Variants in GLYATL2 observed in about 807,000 individuals in gnomAD.
The protein encoded by GLYATL2 is glycine N-acyltransferase-like protein 2.
GLYATL2 carries 25 observed loss-of-function variants against 21.4 expected under a neutral mutation model. The ratio of observed to expected loss-of-function variants is 1.17; its 90% CI spans 0.85 to 1.63. GLYATL2 has a LOEUF of 1.63. GLYATL2 is among the 40% of genes most tolerant of loss of function. The pLI, the probability that GLYATL2 is intolerant of heterozygous loss-of-function variation, is 0.00. For synonymous variants in GLYATL2, 114 were observed against 118.2 expected (o/e 0.96, Z 0.23); for missense variants, 361 against 343.3 (o/e 1.05, Z -0.41).
At chr11:58,838,115 C>G (rs1160796814) in intron 3 of GLYATL2, 146 bp downstream of exon 3, 1 of 576,696 alleles carries the variant, frequency 1.7e-6, no homozygotes, top group Non-Finnish European at 3.2e-6. Context: ...CTGCCCTACC[C>G]TGTCTCCCAA....
chr11:58,884,595 G>A (rs116053495), intron 1 of GLYATL2, among the ~76,000 whole-genome samples: 1 of 152,174 alleles, frequency 6.6e-6, no homozygotes, highest in African/African-American at 2.4e-5. Context: ...TTATGATGAT[G>A]GTGGTGGAGT....
chr11:58,834,358 A>G lies in GLYATL2; in HGVS notation c.*71T>C. The G allele has an allele frequency of 7.8e-7, 1 of 1,283,036 alleles. No homozygotes were observed. Among genetic ancestry groups the G allele is most frequent in the Non-Finnish European group, 1.1e-6 (1 of 928,096 alleles). The allele number at this position is 1,283,036 out of a possible 1,614,324, so 79.5% of individuals were successfully genotyped here. A position where few individuals can be genotyped will look rare whatever the true frequency, so the allele number is the denominator to read the frequency against. On this transcript the variant is annotated 3_prime_UTR_variant, in exon 6 of 6. Transcript: ENST00000287275. Reference sequence around the variant, plus strand: ...TCAGTTGCATTTTGTGCTAATGTAGATCACAATGCTTGTGTTTGAATTAAT... The same window carrying G: ...TCAGTTGCATTTTGTGCTAATGTAGGTCACAATGCTTGTGTTTGAATTAAT...
At chr11:58,900,605 G>A (rs1371230138) in intron 1 of GLYATL2, among the ~76,000 whole-genome samples, 1 of 152,144 alleles carries the variant, frequency 6.6e-6, no homozygotes. Context: ...CGGGGGGTAG[G>A]TTTGCCTAAA....
intron 1 of GLYATL2, among the ~76,000 whole-genome samples, chr11:58,903,401 A>T (rs1285327608): frequency 6.6e-6 from 1 of 152,170 alleles, no homozygotes. Context: ...GGCCTGGTGC[A>T]GTGGCTCATA....
chr11:58,903,305 AT>A (rs778460439), intron 1 of GLYATL2, among the ~76,000 whole-genome samples: 16 of 152,256 alleles, frequency 1.1e-4, no homozygotes, highest in Admixed American at 3.3e-4. Flanking sequence ...ACAAGGCAGG[AT>A]TTTGTATTTA....
chr11:58,834,665 T>G lies in GLYATL2; in HGVS notation c.649A>C (p.Met217Leu). The G allele has an allele frequency of 6.2e-7, 1 of 1,613,448 alleles. No homozygotes were observed. The highest frequency in any genetic ancestry group is 8.5e-7 in the Non-Finnish European group (1 of 1,179,898). Residue 217 changes from methionine (M) to leucine (L), a missense_variant, in exon 6 of 6, where the codon ATG becomes CTG. Physicochemically the swap from Met to Leu is conservative, Grantham distance 15. Coordinates refer to ENST00000287275, the MANE Select transcript of GLYATL2 (RefSeq NM_145016.4). Reference protein sequence around the residue: ...PEGQLVSWIVMEQSCELRMGY... With the variant: ...PEGQLVSWIVLEQSCELRMGY... ...ATTCTCAACTCACAGGACTGTTCCATCACAATCCAAGAGACAAGCTGGCCC... is the reference window on the plus strand; with the variant it reads ...ATTCTCAACTCACAGGACTGTTCCAGCACAATCCAAGAGACAAGCTGGCCC...
chr11:58,897,608 T>C lies in GLYATL2; in HGVS notation n.60+6548A>G, dbSNP rs548379718. ...ACACACACACATCCTCCTGCTATCC[T>C]TTGGCCCTAGATCTCACCTAACTTT... On this transcript the variant is annotated intron_variant and non_coding_transcript_variant, in intron 1 of 4. Transcript: ENST00000533636. 1.6e-4 allele frequency among the ~76,000 whole-genome samples: 25 copies of C among 152,194 alleles called. 1 individual carries two copies. In the South Asian group the frequency reaches 4.8e-3, roughly 29 times the overall value.
chr11:58,896,705 T>G (rs1854641141), intron 1 of GLYATL2, among the ~76,000 whole-genome samples: 1 of 34,234 alleles, frequency 2.9e-5, no homozygotes, highest in South Asian at 1.0e-3. Context: ...ACTTCTTAAC[T>G]TCTGTCGTTT....
chr11:58,893,841 A>G (rs564276702), intron 1 of GLYATL2, among the ~76,000 whole-genome samples: 18 of 152,352 alleles, frequency 1.2e-4, no homozygotes, highest in African/African-American at 4.3e-4. Flanking sequence ...TCAATAAAGT[A>G]CACCTAATCT....
chr11:58,845,927 A>G (rs1853634274), upstream of GLYATL2, among the ~76,000 whole-genome samples: 1 of 152,172 alleles, frequency 6.6e-6, no homozygotes, highest in South Asian at 2.1e-4. Flanking sequence ...CTATCTACAC[A>G]TTCTTGCTAT....
upstream of GLYATL2, chr11:58,908,083 A>G (rs1854949563): frequency 6.6e-6 from 1 of 152,358 alleles, no homozygotes; most frequent in Non-Finnish European, 1.5e-5. Flanking sequence ...CCCACTGCAC[A>G]TCTCTGATCC....
chr11:58,861,319 A>G (rs1853927142), intron 1 of GLYATL2, among the ~76,000 whole-genome samples: 1 of 151,882 alleles, frequency 6.6e-6, no homozygotes, highest in Admixed American at 6.6e-5. Flanking sequence ...GGTGGGTTTT[A>G]TGCATCTAGG....
Position 58,902,309 on chromosome 11 carries a change from C to A in GLYATL2, n.60+1847G>T, listed in dbSNP as rs190250824. Among the ~76,000 whole-genome samples the A allele has an allele frequency of 1.4e-3, 220 of 152,276 alleles. 2 individuals are homozygous for A. The highest frequency in any genetic ancestry group is 5.0e-3 in the African/African-American group (209 of 41,552). The stretch of plus-strand genomic sequence containing the variant: ...GCCCAGGCCCTTATGTCTGACACAT[C>A]CCCAGAAGCCAATTCTCCTCAGTCC... On this transcript the variant is annotated intron_variant and non_coding_transcript_variant, in intron 1 of 4. Transcript: ENST00000533636.
chr11:58,894,150 C>T (rs955961904), intron 1 of GLYATL2, among the ~76,000 whole-genome samples: 4 of 152,060 alleles, frequency 2.6e-5, no homozygotes, highest in Admixed American at 6.6e-5. Context: ...GTGTTGCCTG[C>T]AAGTATGGTT....
At chr11:58,836,942 T>A in intron 5 of GLYATL2, 73 bp downstream of exon 5, 1 of 1,349,930 alleles carries the variant, frequency 7.4e-7, no homozygotes, top group East Asian at 2.3e-5. Context: ...AAATCCTACA[T>A]TTCCAAGTAC....
At chr11:58,884,616 A>G (rs1269582734) in intron 1 of GLYATL2, among the ~76,000 whole-genome samples, 1 of 152,242 alleles carries the variant, frequency 6.6e-6, no homozygotes, top group Non-Finnish European at 1.5e-5. Context: ...GTTCTGCTAC[A>G]GGCATTTGGG....
chr11:58,869,599 T>C (rs1854081560), intron 1 of GLYATL2, among the ~76,000 whole-genome samples: 1 of 152,234 alleles, frequency 6.6e-6, no homozygotes, highest in Non-Finnish European at 1.5e-5. Flanking sequence ...TGTGTGTATA[T>C]GCATCTAGAT....
upstream of GLYATL2, chr11:58,904,321 A>C (rs1854804233): frequency 6.6e-6 from 1 of 152,198 alleles, no homozygotes; most frequent in Non-Finnish European, 1.5e-5. Context: ...CAAATCCTCC[A>C]TTTAAAATAA....
At chr11:58,854,052 G>A (rs1853786905) in intron 1 of GLYATL2, among the ~76,000 whole-genome samples, 1 of 152,150 alleles carries the variant, frequency 6.6e-6, no homozygotes, top group African/African-American at 2.4e-5. Flanking sequence ...TAGATAATGT[G>A]ATATTTGTCT....
Sources: gnomAD v4.1 joint callset for allele counts (sites outside exome capture counted in the v4.1 genomes callset) on GRCh38, gnomAD v4.1.1 for gene constraint, MANE v1.5 for transcripts, NCBI Gene and HGNC (gene_info 2026-07-23, HGNC 2026-07-21) for gene names.